ESR1: variants seen among roughly 807,000 people sequenced by gnomAD.
The protein encoded by ESR1 is estrogen receptor.
Under a neutral mutation model 52.7 loss-of-function variants are expected in ESR1, and 12 were observed. That is an observed-to-expected ratio of 0.23 (90% CI 0.15 to 0.37). The LOEUF (loss-of-function observed/expected upper bound fraction) is 0.37. Among genes scored for constraint, ESR1 ranks in the 10% least tolerant of loss-of-function variants. The pLI, the probability that ESR1 is intolerant of heterozygous loss-of-function variation, is 1.00. For synonymous variants in ESR1, 305 were observed against 316.8 expected, an observed-to-expected ratio of 0.96 and a Z score of 0.39; for missense variants, 584 against 779.7, an observed-to-expected ratio of 0.75 and a Z score of 2.99.
intron 1 of ESR1, among the ~76,000 whole-genome samples, chr6:151,663,589 T>A (rs1017977111): frequency 3.3e-5 from 5 of 152,234 alleles, no homozygotes; most frequent in African/African-American, 9.6e-5. Flanking sequence ...TGTGTTCTCT[T>A]GCTTTGTTCA....
chr6:152,012,675 C>T (rs542134791), intron 5 of ESR1, among the ~76,000 whole-genome samples: 2 of 152,300 alleles, frequency 1.3e-5, no homozygotes, highest in Admixed American at 6.5e-5. Flanking sequence ...TTCCCACTCT[C>T]ATGTTCAGTG....
At chr6:152,063,674 G>T (rs2047730377) in intron 6 of ESR1, among the ~76,000 whole-genome samples, 1 of 152,156 alleles carries the variant, frequency 6.6e-6, no homozygotes, top group South Asian at 2.1e-4. Flanking sequence ...CTGATTCATG[G>T]CCCTGATACG....
intron 3 of ESR1, among the ~76,000 whole-genome samples, chr6:151,940,319 A>G (rs186865272): frequency 6.7e-4 from 102 of 152,304 alleles, no homozygotes; most frequent in African/African-American, 2.0e-3. Context: ...TCAAGATGAG[A>G]TTTGGATGGG....
chr6:151,743,487 G>A (rs1185220062), intron 2 of ESR1, among the ~76,000 whole-genome samples: 1 of 152,174 alleles, frequency 6.6e-6, no homozygotes, highest in Non-Finnish European at 1.5e-5. Context: ...TGTGGATATG[G>A]AGCAGAAATA....
chr6:151,760,473 CTG>C, intron 2 of ESR1, among the ~76,000 whole-genome samples: 1 of 152,334 alleles, frequency 6.6e-6, no homozygotes, highest in South Asian at 2.1e-4. Flanking sequence ...CTTCTTTTCT[CTG>C]TGTTTCCATC....
At chr6:151,737,955 T>A (rs776257949) in intron 2 of ESR1, among the ~76,000 whole-genome samples, 2 of 152,238 alleles carry the variant, frequency 1.3e-5, no homozygotes, top group African/African-American at 4.8e-5. Context: ...TGCAAATACT[T>A]GCCAGTGTTC....
intron 7 of ESR1, among the ~76,000 whole-genome samples, chr6:152,096,465 A>AT (rs1276516808): frequency 3.3e-5 from 5 of 152,084 alleles, no homozygotes; most frequent in Non-Finnish European, 2.9e-5. Context: ...GATGTATCTC[A>AT]TTTTCTTTGT....
At chr6:151,877,820 T>G (rs758843919) in intron 2 of ESR1, among the ~76,000 whole-genome samples, 39 of 152,148 alleles carry the variant, frequency 2.6e-4, no homozygotes, top group Admixed American at 1.8e-3. Context: ...TTTATTCTTT[T>G]TTTTTTAGAG....
Position 152,080,070 on chromosome 6 carries a change from C to T in ESR1, c.1370-14315C>T, listed in dbSNP as rs552522233. Among the ~76,000 whole-genome samples the T allele has an allele frequency of 2.0e-5, 3 of 152,308 alleles. No individual in the cohort carries two copies. In the East Asian group the frequency reaches 5.8e-4, roughly 29 times the overall value. On this transcript the variant is annotated intron_variant, in intron 6 of 7. Coordinates refer to ENST00000206249, the MANE Select transcript of ESR1 (RefSeq NM_000125.4). ...TGGAACCAAGTTAGAAAACACTCTTCAGGATATTATCCAGGACAACTTCCC... is the reference window on the plus strand; with the variant it reads ...TGGAACCAAGTTAGAAAACACTCTTTAGGATATTATCCAGGACAACTTCCC...
chr6:151,813,116 A>G (rs1779074181), intron 1 of ESR1, among the ~76,000 whole-genome samples: 2 of 152,112 alleles, frequency 1.3e-5, no homozygotes, highest in Non-Finnish European at 2.9e-5. Context: ...AAGAAACCAT[A>G]ATTGCTGAAT....
At chr6:151,873,744 G>C (rs1562499471) in intron 2 of ESR1, among the ~76,000 whole-genome samples, 1 of 152,196 alleles carries the variant, frequency 6.6e-6, no homozygotes, top group Non-Finnish European at 1.5e-5. Flanking sequence ...CAGATTTAAA[G>C]CTGTATTTAA....
chr6:152,028,186 G>T lies in ESR1; in HGVS notation c.1235+16392G>T, dbSNP rs189834948. 5.2e-3 allele frequency among the ~76,000 whole-genome samples: 791 copies of T among 152,220 alleles called. 10 individuals carry two copies. The highest frequency in any genetic ancestry group is 0.018 in the African/African-American group (749 of 41,534). On this transcript the variant is annotated intron_variant, in intron 5 of 7. Coordinates refer to ENST00000206249, the MANE Select transcript of ESR1 (RefSeq NM_000125.4). ...GGGCGGTTCCAAGATGGCAGAATAGGAACAGCTCCAGTCTGCAGCTCCCAG... is the reference window on the plus strand; with the variant it reads ...GGGCGGTTCCAAGATGGCAGAATAGTAACAGCTCCAGTCTGCAGCTCCCAG...
chr6:151,699,881 G>C (rs934084398), intron 1 of ESR1, among the ~76,000 whole-genome samples: 2 of 152,100 alleles, frequency 1.3e-5, no homozygotes, highest in African/African-American at 4.8e-5. Flanking sequence ...ATTATCTGAA[G>C]TGGGCAGTGG....
intron 3 of ESR1, among the ~76,000 whole-genome samples, chr6:151,882,663 C>T (rs1793141149): frequency 6.6e-6 from 1 of 152,094 alleles, no homozygotes; most frequent in African/African-American, 2.4e-5. Flanking sequence ...ATACATTCTC[C>T]TTGAAAGCTG....
At chr6:151,945,357 T>C (rs1178969323) in intron 4 of ESR1, among the ~76,000 whole-genome samples, 1 of 152,202 alleles carries the variant, frequency 6.6e-6, no homozygotes, top group Non-Finnish European at 1.5e-5. Flanking sequence ...AGAAAGGCAA[T>C]GGAAAAATAA....
At chr6:152,076,398 T>G (rs1454780327) in intron 6 of ESR1, among the ~76,000 whole-genome samples, 1 of 152,202 alleles carries the variant, frequency 6.6e-6, no homozygotes, top group African/African-American at 2.4e-5. Context: ...ATTAAACCTC[T>G]TTTTCTTCCC....
rs2051013554 is a variant in ESR1, at chr6:152,103,216, G to A, written c.*4250G>A. The A allele has an allele frequency of 1.1e-5, 2 of 188,874 alleles. No individual in the cohort carries two copies. Among genetic ancestry groups the A allele is most frequent in the African/African-American group, 2.3e-5 (1 of 42,846 alleles). The allele number at this position is 188,874 out of a possible 1,614,324, so 11.7% of individuals were successfully genotyped here. On this transcript the variant is annotated 3_prime_UTR_variant, in exon 8 of 8. Transcript: ENST00000206249. ...TGAAAAAGAATCCAGCGGGATGCTCGAGCACCTGTAAACAATTTTCTCAAC... is the reference window on the plus strand; with the variant it reads ...TGAAAAAGAATCCAGCGGGATGCTCAAGCACCTGTAAACAATTTTCTCAAC...
chr6:151,729,951 G>T (rs1782117762), intron 2 of ESR1, among the ~76,000 whole-genome samples: 1 of 152,110 alleles, frequency 6.6e-6, no homozygotes, highest in Non-Finnish European at 1.5e-5. Flanking sequence ...GAAAAAAAGA[G>T]CTTGGGATCG....
intron 2 of ESR1, among the ~76,000 whole-genome samples, chr6:151,793,347 T>C (rs1202052959): frequency 6.6e-6 from 1 of 152,080 alleles, no homozygotes. Context: ...TCTCCTCTGA[T>C]AATAATATGG....
Sources: gnomAD v4.1 joint callset for allele counts (sites outside exome capture counted in the v4.1 genomes callset) on GRCh38, gnomAD v4.1.1 for gene constraint, MANE v1.5 for transcripts, NCBI Gene and HGNC (gene_info 2026-07-23, HGNC 2026-07-21) for gene names.